B4GALNT2: variants seen among roughly 807,000 people sequenced by gnomAD.
The protein encoded by B4GALNT2 is N-acetylneuraminylgalactosylglucosyl-glucoside beta-1,4-N- acetylgalactosaminyltransferase 2.
B4GALNT2 carries 42 observed loss-of-function variants against 51.1 expected under a neutral mutation model. The ratio of observed to expected loss-of-function variants is 0.82; its 90% confidence interval spans 0.64 to 1.06. The LOEUF is 1.06. B4GALNT2 is among the 50% of genes least tolerant of loss of function. The pLI, the probability that B4GALNT2 is intolerant of heterozygous loss-of-function variation, is 0.00. For synonymous variants in B4GALNT2, 253 were observed against 251.7 expected (o/e 1.01, Z -0.05); for missense variants, 602 against 633.6 (o/e 0.95, Z 0.54).
rs745361522 is a variant in B4GALNT2 at position 49,169,778 on chromosome 17, T to C, written c.*50T>C. On this transcript the variant is annotated 3_prime_UTR_variant, in exon 11 of 11. Transcript: ENST00000393354. ...CTAGGCTGGCTGGTTATGGTATCTA[T>C]AGCAGGCCACCAAAAACTGGACTCC... is the stretch of plus-strand genomic sequence containing the variant. The C allele has an allele frequency of 6.8e-6, 10 of 1,471,278 alleles. No individual in the cohort carries two copies. The Admixed American group carries it at 1.2e-4, about 18-fold the overall frequency. The allele number at this position is 1,471,278 out of a possible 1,614,324, so 91.1% of individuals were successfully genotyped here. A position where few individuals can be genotyped will look rare whatever the true frequency, so the allele number is the denominator to read the frequency against.
In B4GALNT2 at chr17:49,159,025, C is replaced by T. The variant is rs1470859172; in HGVS notation, c.499-12C>T. ...CCCTGCATTGAGCATCATTCTACCT[C>T]ACCCACCCTAGGTCACCCTGACAGC... On this transcript the variant is annotated splice_polypyrimidine_tract_variant and intron_variant, in intron 5 of 10. Coordinates refer to ENST00000393354, the MANE Select transcript of B4GALNT2 (RefSeq NM_001159387.2). 6.2e-7 allele frequency: 1 copy of T among 1,613,036 alleles called. No homozygotes were observed. The highest frequency in any genetic ancestry group is 1.1e-5 in the South Asian group (1 of 90,944).
intron 1 of B4GALNT2, among the ~76,000 whole-genome samples, chr17:49,137,953 T>C (rs555650690): frequency 3.9e-5 from 6 of 152,304 alleles, no homozygotes; most frequent in African/African-American, 1.2e-4. Context: ...ACAAACCTGA[T>C]GTATATTGGT....
intron 7 of B4GALNT2, among the ~76,000 whole-genome samples, chr17:49,162,955 G>C (rs2042878469): frequency 6.8e-6 from 1 of 146,664 alleles, no homozygotes; most frequent in African/African-American, 2.5e-5. Context: ...GGTGGCACAG[G>C]GGGAGGGTTC....
intron 3 of B4GALNT2, among the ~76,000 whole-genome samples, chr17:49,149,968 C>T (rs2042733018): frequency 1.3e-5 from 2 of 152,192 alleles, no homozygotes; most frequent in South Asian, 4.1e-4. Context: ...TCACATTTCC[C>T]TGATTGAAGC....
At chr17:49,163,122 C>T (rs2042879684) in intron 7 of B4GALNT2, among the ~76,000 whole-genome samples, 1 of 152,048 alleles carries the variant, frequency 6.6e-6, no homozygotes, top group South Asian at 2.1e-4. Flanking sequence ...AGTCAGATGC[C>T]AGTTCTCCGT....
At chr17:49,137,714 G>T (rs1249213509) in intron 1 of B4GALNT2, among the ~76,000 whole-genome samples, 1 of 152,050 alleles carries the variant, frequency 6.6e-6, no homozygotes, top group East Asian at 1.9e-4. Context: ...ATATTTAATT[G>T]TTCCCTCCCA....
At chr17:49,148,705 G>T in intron 3 of B4GALNT2, 1 of 566,384 alleles carries the variant, frequency 1.8e-6, no homozygotes. Context: ...TTGTCTGCCA[G>T]CTCCAGGTGC....
the B4GALNT2 span, among the ~76,000 whole-genome samples, chr17:49,120,939 T>C: frequency 6.6e-6 from 1 of 152,192 alleles, no homozygotes; most frequent in Non-Finnish European, 1.5e-5. Flanking sequence ...ACACACCTAT[T>C]GCTTAATCCT....
the B4GALNT2 span, among the ~76,000 whole-genome samples, chr17:49,125,308 C>T: frequency 1.3e-5 from 2 of 151,992 alleles, no homozygotes; most frequent in African/African-American, 2.4e-5. Flanking sequence ...TACAGGCGAG[C>T]GCCACCATTC....
chr17:49,140,781 T>C (rs1598198470), intron 1 of B4GALNT2, among the ~76,000 whole-genome samples: 2 of 146,702 alleles, frequency 1.4e-5, no homozygotes, highest in African/African-American at 5.1e-5. Context: ...TGCAGTGGCG[T>C]GATCTTGGCT....
upstream of B4GALNT2, among the ~76,000 whole-genome samples, chr17:49,131,837 T>C (rs953883609): frequency 1.3e-5 from 2 of 152,076 alleles, no homozygotes; most frequent in African/African-American, 4.8e-5. Flanking sequence ...TTGCACGCCA[T>C]ATTTAAAGAT....
At chr17:49,126,921 C>G in the B4GALNT2 span, among the ~76,000 whole-genome samples, 1 of 152,184 alleles carries the variant, frequency 6.6e-6, no homozygotes, top group East Asian at 1.9e-4. Context: ...TCAGGCTGGT[C>G]TCGAGCTCCT....
At chr17:49,150,546 A>G (rs2042743121) in intron 3 of B4GALNT2, among the ~76,000 whole-genome samples, 1 of 151,818 alleles carries the variant, frequency 6.6e-6, no homozygotes, top group Non-Finnish European at 1.5e-5. Flanking sequence ...AAAGAGGTAG[A>G]CGTGGGAGAC....
chr17:49,132,432 G>A (rs567631086), upstream of B4GALNT2: 5 of 267,314 alleles, frequency 1.9e-5, no homozygotes, highest in Admixed American at 2.7e-4. Flanking sequence ...CGAATTTAGG[G>A]ACCCCCAGCA....
Position 49,142,070 on chromosome 17 carries a change from A to G in B4GALNT2, c.251A>G (p.Asn84Ser), listed in dbSNP as rs1472706306. 3 of 1,614,094 alleles carry G rather than the reference A, an allele frequency of 1.9e-6. No homozygotes were observed. In the African/African-American group the frequency reaches 4.0e-5, roughly 22 times the overall value. ...FPKNQCKCEANKEQGGYNFQD... is the reference protein window; with the variant it reads ...FPKNQCKCEASKEQGGYNFQD... ...AAAAATCAGTGCAAATGTGAAGCCA[A>G]CAAAGAGCAGGGAGGTTACAACTTT... The change falls in exon 3 of 11, where the codon AAC becomes AGC. Residue 84 changes from asparagine to serine, a missense_variant. Coordinates refer to ENST00000393354, the MANE Select transcript of B4GALNT2 (RefSeq NM_001159387.2).
intron 3 of B4GALNT2, among the ~76,000 whole-genome samples, chr17:49,147,841 A>T (rs949641906): frequency 3.3e-4 from 49 of 147,724 alleles, no homozygotes; most frequent in African/African-American, 1.1e-3. Context: ...CATGTATGTT[A>T]TATATATATG....
At chr17:49,137,858 A>G (rs1161497610) in intron 1 of B4GALNT2, among the ~76,000 whole-genome samples, 4 of 151,274 alleles carry the variant, frequency 2.6e-5, no homozygotes, top group South Asian at 2.1e-4. Context: ...ATGAAAATCC[A>G]TAACAGCACA....
At chr17:49,164,034 G>T in intron 7 of B4GALNT2, 54 bp from the exon 8 acceptor site, 1 of 1,532,120 alleles carries the variant, frequency 6.5e-7, no homozygotes, top group Non-Finnish European at 8.9e-7. Context: ...AGCAGGAAAA[G>T]ACAGTGAAGC....
chr17:49,156,173 C>A (rs981684633), intron 4 of B4GALNT2, among the ~76,000 whole-genome samples: 1 of 152,170 alleles, frequency 6.6e-6, no homozygotes, highest in Non-Finnish European at 1.5e-5. Flanking sequence ...TCCCCACTGT[C>A]CCTCTCCCTG....
Sources: gnomAD v4.1 joint callset for allele counts (sites outside exome capture counted in the v4.1 genomes callset) on GRCh38, gnomAD v4.1.1 for gene constraint, MANE v1.5 for transcripts, NCBI Gene and HGNC (gene_info 2026-07-23, HGNC 2026-07-21) for gene names.